Variants in OAS1 observed in about 807,000 individuals in gnomAD.
OAS1 encodes 2'-5'-oligoadenylate synthase 1.
OAS1 carries 24 observed loss-of-function variants against 38.5 expected under a neutral mutation model. The observed-to-expected ratio is 0.62, with a 90% CI of 0.45 to 0.88. The LOEUF (loss-of-function observed/expected upper bound fraction) is 0.88, where lower values mean the gene tolerates loss of function less well. OAS1 is among the 40% of genes least tolerant of loss of function. OAS1 has a pLI of 0.00. For synonymous variants in OAS1, 169 were observed against 193.9 expected (o/e 0.87, Z 1.07); for missense variants, 482 against 493.9 (o/e 0.98, Z 0.23).
intron 6 of OAS1, among the ~76,000 whole-genome samples, chr12:112,930,871 T>C (rs972338642): frequency 6.6e-6 from 1 of 152,248 alleles, no homozygotes; most frequent in Non-Finnish European, 1.5e-5. Context: ...AAGCCCATAT[T>C]CATTCGGGGA....
intron 4 of OAS1, chr12:112,916,953 G>A (rs1245476169): frequency 3.7e-6 from 2 of 539,838 alleles, no homozygotes; most frequent in African/African-American, 1.9e-5. Flanking sequence ...TTACAGGTGA[G>A]TAAACTGAGG....
Position 112,919,723 on chromosome 12 carries a change from C to G in OAS1, c.*170C>G. 1 of 1,497,186 alleles carries G rather than the reference C, an allele frequency of 6.7e-7. No homozygotes were observed. Among genetic ancestry groups the G allele is most frequent in the Non-Finnish European group, 8.9e-7 (1 of 1,119,224 alleles). 92.7% of individuals were successfully genotyped at this position (1,497,186 alleles called of 1,614,324 possible). ...TGGCCTTCTATGCCCTCTATCCTAT[C>G]ATAGATAACATTCTCCACAGCCTCA... On this transcript the variant is annotated 3_prime_UTR_variant, in exon 6 of 6. Transcript: ENST00000202917.
chr12:112,921,590 G>A (rs2043529379), downstream of OAS1, among the ~76,000 whole-genome samples: 1 of 152,150 alleles, frequency 6.6e-6, no homozygotes, highest in Admixed American at 6.5e-5. Flanking sequence ...AGGGGTCTGT[G>A]TTATAATTCT....
intron 3 of OAS1, among the ~76,000 whole-genome samples, chr12:112,914,178 C>A (rs1369383256): frequency 1.3e-5 from 2 of 152,198 alleles, no homozygotes; most frequent in Non-Finnish European, 1.5e-5. Flanking sequence ...TGAGTGAGAA[C>A]ATACAATGTT....
chr12:112,924,627 A>G (rs958801937), downstream of OAS1, among the ~76,000 whole-genome samples: 4 of 152,124 alleles, frequency 2.6e-5, no homozygotes, highest in African/African-American at 7.2e-5. Flanking sequence ...TATTTGTTTC[A>G]GTACTATCGT....
intron 6 of OAS1, among the ~76,000 whole-genome samples, chr12:112,929,242 GA>G (rs2043582062): frequency 6.6e-6 from 1 of 152,240 alleles, no homozygotes; most frequent in Non-Finnish European, 1.5e-5. Context: ...GCAGACCTCA[GA>G]ATCTCTGTGT....
At position 112,919,645 on chromosome 12, in the gene OAS1, C is replaced by T. The variant is rs771346955; in HGVS notation, c.*92C>T. 1.9e-6 allele frequency: 3 copies of T among 1,602,294 alleles called. No homozygotes were observed. The East Asian group carries it at 6.8e-5, about 36-fold the overall frequency. On this transcript the variant is annotated 3_prime_UTR_variant, in exon 6 of 6. Coordinates refer to ENST00000202917, the MANE Select transcript of OAS1 (RefSeq NM_016816.4). ...GACTCTTGATCCAGAGAGGACAAAG[C>T]TCCTCAGTGAGCTGGTGTATAATCC...
chr12:112,911,527 A>G (rs1176248268), intron 3 of OAS1, among the ~76,000 whole-genome samples: 2 of 152,166 alleles, frequency 1.3e-5, no homozygotes, highest in Admixed American at 6.5e-5. Flanking sequence ...TAACTGTTGA[A>G]TAAATGAATC....
At chr12:112,914,174 A>C (rs907372767) in intron 3 of OAS1, among the ~76,000 whole-genome samples, 2 of 152,238 alleles carry the variant, frequency 1.3e-5, no homozygotes, top group Non-Finnish European at 2.9e-5. Context: ...CATATGAGTG[A>C]GAACATACAA....
intron 3 of OAS1, among the ~76,000 whole-genome samples, chr12:112,914,730 GT>G (rs60578734): frequency 0.24 from 27,903 of 118,500 alleles, 2,261 homozygotes; most frequent in Admixed American, 0.29. Flanking sequence ...GTTGGTATTT[GT>G]TTTTTTTTTT....
At chr12:112,928,244 G>T (rs916972) in intron 6 of OAS1, among the ~76,000 whole-genome samples, 113,206 of 152,172 alleles carry the variant, frequency 0.74, 43,408 homozygotes, top group African/African-American at 0.94. Flanking sequence ...AAGGGCAGAC[G>T]TCTCTCCCAG....
chr12:112,926,446 A>G (rs1279227898), intron 6 of OAS1, among the ~76,000 whole-genome samples: 1 of 152,216 alleles, frequency 6.6e-6, no homozygotes, highest in Non-Finnish European at 1.5e-5. Context: ...AAAGGGAAAG[A>G]GTACAAAAGA....
rs2043313609 is a variant in OAS1, at chr12:112,907,489, C to T, written c.180+270C>T. On this transcript the variant is annotated intron_variant, in intron 1 of 5. Coordinates refer to ENST00000202917, the MANE Select transcript of OAS1 (RefSeq NM_016816.4). ...GAAGTTTATGAACCACTGTCCTGGGCGATGCCCATTTCAGAAATAGGGAAC... is the reference window on the plus strand; with the variant it reads ...GAAGTTTATGAACCACTGTCCTGGGTGATGCCCATTTCAGAAATAGGGAAC... 5 of 373,692 alleles carry T rather than the reference C, an allele frequency of 1.3e-5. No homozygotes were observed. The South Asian group carries it at 1.9e-4, about 14-fold the overall frequency. The allele number at this position is 373,692 out of a possible 1,614,324, so 23.1% of individuals were successfully genotyped here.
Position 112,916,569 on chromosome 12 carries a change from G to T in OAS1, c.715G>T (p.Ala239Ser). ...QYALELLTVY[A>S]WERGSMKTHF... ...TGCCCTGGAGCTCCTGACGGTCTATGCTTGGGAGCGAGGGAGCATGAAAAC... is the reference window on the plus strand; with the variant it reads ...TGCCCTGGAGCTCCTGACGGTCTATTCTTGGGAGCGAGGGAGCATGAAAAC... Residue 239 changes from alanine (A) to serine (S), a missense_variant, in exon 4 of 6, where the codon GCT becomes TCT. Transcript: ENST00000202917. 6.2e-7 allele frequency: 1 copy of T among 1,614,038 alleles called. No individual in the cohort carries two copies. The highest frequency in any genetic ancestry group is 2.2e-5 in the East Asian group (1 of 44,892).
chr12:112,926,895 C>T (rs371747889), intron 6 of OAS1, among the ~76,000 whole-genome samples: 20 of 152,122 alleles, frequency 1.3e-4, no homozygotes, highest in Non-Finnish European at 2.8e-4. Flanking sequence ...AGAGGCCCCC[C>T]GGGAATGCAT....
At chr12:112,916,486 C>T (rs375118414) in intron 3 of OAS1, 23 bp from the exon 4 acceptor site, 3 of 1,598,628 alleles carry the variant, frequency 1.9e-6, no homozygotes, top group South Asian at 2.2e-5. Context: ...CAATTTTTTT[C>T]TGATTGTTTT....
At chr12:112,909,778 T>G (rs1461835504) in intron 2 of OAS1, among the ~76,000 whole-genome samples, 1 of 152,224 alleles carries the variant, frequency 6.6e-6, no homozygotes, top group Non-Finnish European at 1.5e-5. Context: ...TAGATTTTAA[T>G]TTTTTGAGGG....
At chr12:112,917,752 G>A (rs1565964105) in intron 5 of OAS1, 52 bp downstream of exon 5, 1 of 1,614,140 alleles carries the variant, frequency 6.2e-7, no homozygotes. Flanking sequence ...TCTCCATGAA[G>A]CTTGAGACAT....
Position 112,911,131 on chromosome 12 carries a change from G to A in OAS1, c.550G>A (p.Gly184Ser), listed in dbSNP as rs768226298. 6.2e-7 allele frequency: 1 copy of A among 1,613,772 alleles called. No individual in the cohort carries two copies. The highest frequency in any genetic ancestry group is 8.5e-7 in the Non-Finnish European group (1 of 1,179,922). ...GGAGTGCACCGACCTGCAGAAAGAG[G>A]GCGAGTTCTCCACCTGCTTCACAGA... ...IEECTDLQKE[G>S]EFSTCFTELQ... The change falls in exon 3 of 6, where the codon GGC (glycine) becomes AGC (serine). Residue 184 changes from glycine (G) to serine (S), a missense_variant. Transcript: ENST00000202917.
Sources: allele counts gnomAD v4.1 joint callset (sites outside exome capture counted in the v4.1 genomes callset), GRCh38; gene constraint gnomAD v4.1.1; transcripts MANE v1.5; gene names NCBI Gene and HGNC (gene_info 2026-07-23, HGNC 2026-07-21).